The following PDE3A variants were observed in gnomAD, a reference collection of about 807,000 sequenced individuals.
PDE3A encodes the protein cGMP-inhibited 3',5'-cyclic phosphodiesterase 3A.
Under a neutral mutation model 98.3 loss-of-function variants are expected in PDE3A, and 43 were observed. The ratio of observed to expected loss-of-function variants is 0.44; its 90% confidence interval spans 0.34 to 0.56. PDE3A has a LOEUF of 0.56. Among genes scored for constraint, PDE3A ranks in the 20% least tolerant of loss-of-function variants. The pLI is 0.01. For synonymous variants in PDE3A, 663 were observed against 567.9 expected (o/e 1.17, Z -2.38); for missense variants, 1,427 against 1,440.7 (o/e 0.99, Z 0.15).
chr12:20,460,573 G>C (rs1431082979), intron 1 of PDE3A, among the ~76,000 whole-genome samples: 2 of 152,130 alleles, frequency 1.3e-5, no homozygotes, highest in East Asian at 1.9e-4. Flanking sequence ...TAATATGAAA[G>C]TTTTATATGG....
At chr12:20,534,309 C>T (rs1303840232) in intron 1 of PDE3A, among the ~76,000 whole-genome samples, 2 of 152,112 alleles carry the variant, frequency 1.3e-5, no homozygotes, top group African/African-American at 2.4e-5. Flanking sequence ...AGTTAATATA[C>T]GCAATATGGA....
At chr12:20,643,814 GTTTT>G (rs1440508886) in intron 10 of PDE3A, among the ~76,000 whole-genome samples, 2 of 151,736 alleles carry the variant, frequency 1.3e-5, no homozygotes, top group African/African-American at 4.8e-5. Flanking sequence ...TTGAAAGTTT[GTTTT>G]TTGTTTTTTT....
chr12:20,601,786 A>G (rs890323101), intron 2 of PDE3A, among the ~76,000 whole-genome samples: 7 of 151,160 alleles, frequency 4.6e-5, no homozygotes, highest in African/African-American at 1.7e-4. Flanking sequence ...GTTTTCTGTG[A>G]AAAAAAACTA....
intron 1 of PDE3A, among the ~76,000 whole-genome samples, chr12:20,428,942 T>A (rs1290314913): frequency 6.6e-6 from 1 of 152,222 alleles, no homozygotes; most frequent in Non-Finnish European, 1.5e-5. Flanking sequence ...ATATATGTAG[T>A]CACCCAAAGA....
chr12:20,570,943 T>G (rs991653935), intron 2 of PDE3A, among the ~76,000 whole-genome samples: 2 of 152,128 alleles, frequency 1.3e-5, no homozygotes, highest in Admixed American at 1.3e-4. Context: ...GCTAGTGAAC[T>G]TATTAGACGT....
chr12:20,654,099 G>T lies in PDE3A; in HGVS notation c.3078G>T (p.Trp1026Cys). The stretch of plus-strand genomic sequence containing the variant: ...CAGCAGGACTAATGCCTGGAAAATG[G>T]GTGGAAGACAGCGATGAGTCAGGAG... The part of the protein sequence containing the change: ...YDSAGLMPGK[W>C]VEDSDESGDT... Residue 1026 changes from tryptophan (W) to cysteine (C), a missense_variant, in exon 15 of 16, where the codon TGG becomes TGT. By Grantham distance (215) the Trp-to-Cys change is radical. Transcript: ENST00000359062. 6.2e-7 allele frequency: 1 copy of T among 1,614,130 alleles called. No individual in the cohort carries two copies. Among genetic ancestry groups the T allele is most frequent in the Non-Finnish European group, 8.5e-7 (1 of 1,180,008 alleles).
At chr12:20,452,733 T>A (rs1945087698) in intron 1 of PDE3A, among the ~76,000 whole-genome samples, 1 of 152,192 alleles carries the variant, frequency 6.6e-6, no homozygotes, top group South Asian at 2.1e-4. Context: ...CACCCTTTCA[T>A]CACGGGCTGT....
rs1943512930 is a variant in PDE3A at position 20,373,340 on chromosome 12, C to G, written c.960+3096C>G. Among the ~76,000 whole-genome samples the G allele has an allele frequency of 1.3e-5, 2 of 152,044 alleles. 1 individual carries two copies. The highest frequency in any genetic ancestry group is 3.9e-4 in the East Asian group (2 of 5,190). On this transcript the variant is annotated intron_variant, in intron 1 of 15. Transcript: ENST00000359062. ...CGCATCCCAGAGCAGATATGTCTCT[C>G]TCAAAGTACCACTGTGCCCTCGGCC...
intron 2 of PDE3A, among the ~76,000 whole-genome samples, chr12:20,594,241 G>C (rs541860509): frequency 8.5e-5 from 13 of 152,156 alleles, no homozygotes; most frequent in African/African-American, 3.1e-4. Context: ...GAAAAAGCGA[G>C]GAGGAAAAAG....
intron 15 of PDE3A, among the ~76,000 whole-genome samples, chr12:20,663,815 G>A (rs1292463180): frequency 6.6e-6 from 1 of 152,138 alleles, no homozygotes; most frequent in Non-Finnish European, 1.5e-5. Flanking sequence ...AAGACATTGG[G>A]GGACTTTTGG....
At chr12:20,652,779 G>T (rs972767280) in intron 14 of PDE3A, among the ~76,000 whole-genome samples, 1 of 152,154 alleles carries the variant, frequency 6.6e-6, no homozygotes, top group Non-Finnish European at 1.5e-5. Flanking sequence ...AGGACTTCAT[G>T]TCTAAAACAC....
At chr12:20,629,445 T>C (rs1944333412) in intron 5 of PDE3A, among the ~76,000 whole-genome samples, 1 of 152,242 alleles carries the variant, frequency 6.6e-6, no homozygotes, top group South Asian at 2.1e-4. Context: ...TATTTACATA[T>C]TTTAAGCATC....
intron 2 of PDE3A, among the ~76,000 whole-genome samples, chr12:20,607,228 C>T (rs1362508182): frequency 6.6e-6 from 1 of 151,850 alleles, no homozygotes; most frequent in African/African-American, 2.4e-5. Context: ...TGCTTGAACC[C>T]AGGAGTTCAA....
chr12:20,483,186 C>T (rs1404343446), intron 1 of PDE3A, among the ~76,000 whole-genome samples: 1 of 152,018 alleles, frequency 6.6e-6, no homozygotes, highest in Non-Finnish European at 1.5e-5. Flanking sequence ...GTCAGGATAT[C>T]GGGACCATCC....
intron 1 of PDE3A, among the ~76,000 whole-genome samples, chr12:20,407,665 T>A (rs1217008072): frequency 6.6e-6 from 1 of 152,176 alleles, no homozygotes; most frequent in African/African-American, 2.4e-5. Flanking sequence ...ACAAAGATTT[T>A]GTGGCTTATT....
At chr12:20,668,718 C>A (rs1325214712) in intron 15 of PDE3A, among the ~76,000 whole-genome samples, 1 of 150,114 alleles carries the variant, frequency 6.7e-6, no homozygotes, top group Non-Finnish European at 1.5e-5. Flanking sequence ...TCATCAAAGA[C>A]CAAAAGTAGA....
intron 1 of PDE3A, among the ~76,000 whole-genome samples, chr12:20,441,999 T>G: frequency 6.6e-6 from 1 of 152,314 alleles, no homozygotes; most frequent in South Asian, 2.1e-4. Context: ...TTTCCTTAGG[T>G]TAGTGCCTCC....
At chr12:20,556,893 G>A (rs548333925) in intron 2 of PDE3A, 183 bp downstream of exon 2, 22 of 643,226 alleles carry the variant, frequency 3.4e-5, no homozygotes, top group Admixed American at 5.8e-5. Context: ...GCAGATGCCA[G>A]GATATTCCTT....
At chr12:20,485,364 A>G (rs1208987937) in intron 1 of PDE3A, among the ~76,000 whole-genome samples, 1 of 152,140 alleles carries the variant, frequency 6.6e-6, no homozygotes, top group Admixed American at 6.5e-5. Context: ...AATGACTCCA[A>G]CTTGATCATC....
Sources: gnomAD v4.1 joint callset for allele counts (sites outside exome capture counted in the v4.1 genomes callset) on GRCh38, gnomAD v4.1.1 for gene constraint, MANE v1.5 for transcripts, NCBI Gene and HGNC (gene_info 2026-07-23, HGNC 2026-07-21) for gene names.